RHD: variants seen among roughly 807,000 people sequenced by gnomAD.
The protein encoded by RHD is Rh blood group D antigen.
A neutral mutation model predicts 45.5 loss-of-function variants in RHD; 16 were observed. The ratio of observed to expected loss-of-function variants is 0.35; its 90% CI spans 0.24 to 0.53. The LOEUF is 0.53. RHD is among the 20% of genes least tolerant of loss of function. The pLI is 0.92. For synonymous variants in RHD, 131 were observed against 217.5 expected (o/e 0.60, Z 3.50); for missense variants, 306 against 532.0 (o/e 0.58, Z 4.18).
chr1:25,298,555 C>T lies in RHD; in HGVS notation c.487-2391C>T, dbSNP rs1886921. Among the ~76,000 whole-genome samples the T allele has an allele frequency of 9.1e-5, 12 of 131,206 alleles. 2 individuals are homozygous for T. The highest frequency in any genetic ancestry group is 2.0e-4 in the East Asian group (1 of 5,098). 86.1% of individuals were successfully genotyped at this position (131,206 alleles called of 152,430 possible). ...AGGCCAAGAATCCCCAAGTGTTCTT[C>T]CTGAACTCCTTCCTGGTGGAGTTCA... On this transcript the variant is annotated intron_variant, in intron 3 of 9. Coordinates refer to ENST00000328664, the MANE Select transcript of RHD (RefSeq NM_016124.6).
intron 1 of RHD, among the ~76,000 whole-genome samples, chr1:25,276,388 A>G (rs1640958608): frequency 8.2e-6 from 1 of 122,538 alleles, no homozygotes. Context: ...GTTTTCGTAT[A>G]TGCTTTAAAA....
chr1:25,297,630 C>G lies in RHD; in HGVS notation c.487-3316C>G, dbSNP rs1248614245. On this transcript the variant is annotated intron_variant, in intron 3 of 9. Coordinates refer to ENST00000328664, the MANE Select transcript of RHD (RefSeq NM_016124.6). ...AAGCTTTCGCTTCTCTGTTCATCCA[C>G]TCATCTATGTACTTATTTATATCAC... Among the ~76,000 whole-genome samples, 4 of 131,812 alleles carry G rather than the reference C, an allele frequency of 3.0e-5. 2 individuals are homozygous for G. Among genetic ancestry groups the G allele is most frequent in the Non-Finnish European group, 7.2e-5 (4 of 55,916 alleles). The allele number at this position is 131,812 out of a possible 152,430, so 86.5% of individuals were successfully genotyped here.
At position 25,310,983 on chromosome 1, in the gene RHD, A is replaced by G. The variant is rs1208256405; in HGVS notation, c.1073+4254A>G. Among the ~76,000 whole-genome samples the G allele has an allele frequency of 4.6e-5, 6 of 130,884 alleles. 2 individuals are homozygous for G. Among genetic ancestry groups the G allele is most frequent in the Non-Finnish European group, 1.1e-4 (6 of 55,344 alleles). 85.9% of individuals were successfully genotyped at this position (130,884 alleles called of 152,430 possible). The stretch of plus-strand genomic sequence containing the variant: ...AGCAAAACTCCATCTCAAAAAAAAA[A>G]AAAAAGAAAGAAAAAGAATGGAGCA... On this transcript the variant is annotated intron_variant, in intron 7 of 9. Coordinates refer to ENST00000328664, the MANE Select transcript of RHD (RefSeq NM_016124.6).
intron 7 of RHD, among the ~76,000 whole-genome samples, chr1:25,314,375 A>T (rs1644323456): frequency 7.5e-6 from 1 of 132,870 alleles, no homozygotes; most frequent in African/African-American, 2.6e-5. Context: ...TTTCTTGTGA[A>T]ATGTCTATTC....
chr1:25,286,231 G>A (rs1244587294), intron 2 of RHD, among the ~76,000 whole-genome samples: 36 of 135,532 alleles, frequency 2.7e-4, no homozygotes, highest in Non-Finnish European at 5.8e-4. Flanking sequence ...GTTCACACCT[G>A]TAATCCCAGT....
chr1:25,323,342 C>T (rs563180681), intron 9 of RHD, among the ~76,000 whole-genome samples: 2 of 103,348 alleles, frequency 1.9e-5, no homozygotes, highest in Admixed American at 2.0e-4. Flanking sequence ...AGACAAGGAG[C>T]ACACCCATCA....
Position 25,292,679 on chromosome 1 carries a change from CA to C in RHD, c.486+1889del, listed in dbSNP as rs1642617420. Among the ~76,000 whole-genome samples the C allele has an allele frequency of 1.6e-5, 2 of 128,496 alleles. 1 individual carries two copies. Among genetic ancestry groups the C allele is most frequent in the South Asian group, 4.8e-4 (2 of 4,152 alleles). 84.3% of individuals were successfully genotyped at this position (128,496 alleles called of 152,430 possible). Reference sequence around the variant, plus strand: ...AGGGGGGGTAGAGATGTGTATGAAACATCCCAGTGGAGACACTGAATGGAGA... The same window carrying C: ...AGGGGGGGTAGAGATGTGTATGAAACTCCCAGTGGAGACACTGAATGGAGA... On this transcript the variant is annotated intron_variant, in intron 3 of 9. Transcript: ENST00000328664.
rs55812618 is a variant in RHD at position 25,272,840 on chromosome 1, C to T, written c.148+145C>T. The T allele has an allele frequency of 0.013, 13,566 of 1,062,088 alleles. 2,504 individuals are homozygous for T. The African/African-American group carries it at 0.18, about 14-fold the overall frequency. The allele number at this position is 1,062,088 out of a possible 1,614,324, so 65.8% of individuals were successfully genotyped here. A position where few individuals can be genotyped will look rare whatever the true frequency, so the allele number is the denominator to read the frequency against. On this transcript the variant is annotated intron_variant, in intron 1 of 9. Coordinates refer to ENST00000328664, the MANE Select transcript of RHD (RefSeq NM_016124.6). ...CCCCATCTTCTTCCGTAGATTGCACCGAAATTCAGCCAACAATGTAAGCTT... is the reference window on the plus strand; with the variant it reads ...CCCCATCTTCTTCCGTAGATTGCACTGAAATTCAGCCAACAATGTAAGCTT...
In RHD at chr1:25,300,394, C is replaced by G. The variant is rs1234595847; in HGVS notation, c.487-552C>G. 1.5e-5 allele frequency among the ~76,000 whole-genome samples: 2 copies of G among 130,152 alleles called. 1 individual carries two copies. The highest frequency in any genetic ancestry group is 5.3e-5 in the African/African-American group (2 of 37,630). The allele number at this position is 130,152 out of a possible 152,430, so 85.4% of individuals were successfully genotyped here. On this transcript the variant is annotated intron_variant, in intron 3 of 9. Transcript: ENST00000328664. ...AGGCATGGTTGTACATTCCTGTAAT[C>G]CCAGCTACTCAGGAGGCTGAGGTGG... is the stretch of plus-strand genomic sequence containing the variant.
intron 8 of RHD, among the ~76,000 whole-genome samples, chr1:25,320,060 G>T (rs183175837): frequency 7.6e-6 from 1 of 130,726 alleles, no homozygotes; most frequent in African/African-American, 2.6e-5. Context: ...CACCACACCC[G>T]GCTAATTTTG....
At position 25,274,258 on chromosome 1, in the gene RHD, G is replaced by T. The variant is rs565110334; in HGVS notation, c.148+1563G>T. Among the ~76,000 whole-genome samples the T allele has an allele frequency of 7.6e-5, 10 of 131,942 alleles. 1 individual carries two copies. In the East Asian group the frequency reaches 1.9e-3, roughly 26 times the overall value. The allele number at this position is 131,942 out of a possible 152,430, so 86.6% of individuals were successfully genotyped here. On this transcript the variant is annotated intron_variant, in intron 1 of 9. Coordinates refer to ENST00000328664, the MANE Select transcript of RHD (RefSeq NM_016124.6). ...ATGGATGTTGAGTAATTTGCCCACG[G>T]TCGCTCAGCTAGCAATAGCACAGCG... is the stretch of plus-strand genomic sequence containing the variant.
In RHD at chr1:25,300,364, T is replaced by C. The variant is rs1643289834; in HGVS notation, c.487-582T>C. Among the ~76,000 whole-genome samples the C allele has an allele frequency of 1.5e-5, 2 of 129,586 alleles. 1 individual carries two copies. The highest frequency in any genetic ancestry group is 5.3e-5 in the African/African-American group (2 of 37,460). The allele number at this position is 129,586 out of a possible 152,430, so 85.0% of individuals were successfully genotyped here. ...CCATCTTTACACAAAATTTAAAAAT[T>C]GGCCAGGCATGGTTGTACATTCCTG... On this transcript the variant is annotated intron_variant, in intron 3 of 9. Coordinates refer to ENST00000328664, the MANE Select transcript of RHD (RefSeq NM_016124.6).
At chr1:25,288,211 C>T (rs143638486) in intron 2 of RHD, among the ~76,000 whole-genome samples, 2,778 of 131,060 alleles carry the variant, frequency 0.021, 426 homozygotes, top group African/African-American at 0.066. Context: ...AGAGACAGGA[C>T]CTCACTGTGT....
chr1:25,318,226 T>G (rs1644508963), intron 8 of RHD: 1 of 128,336 alleles, frequency 7.8e-6, no homozygotes, highest in South Asian at 2.4e-4. Flanking sequence ...GGCAGTAGAA[T>G]TGCTTGAACC....
chr1:25,296,882 C>T lies in RHD; in HGVS notation c.487-4064C>T, dbSNP rs559498990. Among the ~76,000 whole-genome samples, 58 of 129,472 alleles carry T rather than the reference C, an allele frequency of 4.5e-4. 13 individuals are homozygous for T. The highest frequency in any genetic ancestry group is 4.1e-3 in the Middle Eastern group (1 of 242). 84.9% of individuals were successfully genotyped at this position (129,472 alleles called of 152,430 possible). A position where few individuals can be genotyped will look rare whatever the true frequency, so the allele number is the denominator to read the frequency against. Reference sequence around the variant, plus strand: ...TTCAGCCTCTTTTGTTTATAAATTACGCAGTCTCAGGAAGTATCTTTATAG... The same window carrying T: ...TTCAGCCTCTTTTGTTTATAAATTATGCAGTCTCAGGAAGTATCTTTATAG... On this transcript the variant is annotated intron_variant, in intron 3 of 9. Transcript: ENST00000328664.
Position 25,301,379 on chromosome 1 carries a change from G to A in RHD, c.635-141G>A, listed in dbSNP as rs1474689431. ...GCTGGTATCAGCTTGAGAGCTCGGAGGGGAGACGTGACTTCCCCATCTAAC... is the reference window on the plus strand; with the variant it reads ...GCTGGTATCAGCTTGAGAGCTCGGAAGGGAGACGTGACTTCCCCATCTAAC... On this transcript the variant is annotated intron_variant, in intron 4 of 9. Coordinates refer to ENST00000328664, the MANE Select transcript of RHD (RefSeq NM_016124.6). 6 of 843,302 alleles carry A rather than the reference G, an allele frequency of 7.1e-6. No individual in the cohort carries two copies. In the East Asian group the frequency reaches 1.5e-4, roughly 20 times the overall value. 52.2% of individuals were successfully genotyped at this position (843,302 alleles called of 1,614,324 possible). A position where few individuals can be genotyped will look rare whatever the true frequency, so the allele number is the denominator to read the frequency against.
rs557787886 is a variant in RHD, at chr1:25,273,588, T to C, written c.148+893T>C. Among the ~76,000 whole-genome samples the C allele has an allele frequency of 4.7e-4, 42 of 90,050 alleles. 7 individuals carry two copies. Among genetic ancestry groups the C allele is most frequent in the Non-Finnish European group, 8.6e-4 (32 of 37,032 alleles). The allele number at this position is 90,050 out of a possible 152,430, so 59.1% of individuals were successfully genotyped here. ...TCTATAAATCCAGAACCAGAAGGTA[T>C]GGCTGAAGGGGAGGGTAGGATGATG... On this transcript the variant is annotated intron_variant, in intron 1 of 9. Coordinates refer to ENST00000328664, the MANE Select transcript of RHD (RefSeq NM_016124.6).
At position 25,287,572 on chromosome 1, in the gene RHD, G is replaced by GC. The variant is rs1228916910; in HGVS notation, c.335+2813_335+2814insC. On this transcript the variant is annotated intron_variant, in intron 2 of 9. Transcript: ENST00000328664. ...CTCCAGCTTGTGCCACTTGACTTGG[G>GC]ACTGATTTGGTTCTGTTTTGAGTCC... 1.5e-5 allele frequency among the ~76,000 whole-genome samples: 2 copies of GC among 134,918 alleles called. 1 individual carries two copies. The highest frequency in any genetic ancestry group is 5.1e-5 in the African/African-American group (2 of 39,052). 88.5% of individuals were successfully genotyped at this position (134,918 alleles called of 152,430 possible). A position where few individuals can be genotyped will look rare whatever the true frequency, so the allele number is the denominator to read the frequency against.
intron 9 of RHD, among the ~76,000 whole-genome samples, chr1:25,322,270 T>G (rs1644751368): frequency 7.6e-6 from 1 of 132,390 alleles, no homozygotes; most frequent in East Asian, 1.9e-4. Flanking sequence ...CCAAATAGTC[T>G]GACATGCGGG....
Sources: allele counts gnomAD v4.1 joint callset (sites outside exome capture counted in the v4.1 genomes callset), GRCh38; gene constraint gnomAD v4.1.1; transcripts MANE v1.5; gene names NCBI Gene and HGNC (gene_info 2026-07-23, HGNC 2026-07-21).